Variants in ULK4 observed in about 807,000 individuals in gnomAD.
The protein encoded by ULK4 is unc-51 like kinase 4, also known as inactive serine/threonine-protein kinase ULK4.
A neutral mutation model predicts 160.6 loss-of-function variants in ULK4; 133 were observed. That is an observed-to-expected ratio of 0.83 (90% CI 0.72 to 0.96). The LOEUF (loss-of-function observed/expected upper bound fraction) is 0.96. Ranked by LOEUF, ULK4 falls within the 40% of genes least tolerant of loss-of-function variation. The pLI is 0.00. For synonymous variants in ULK4, 534 were observed against 539.8 expected (o/e 0.99, Z 0.15); for missense variants, 1,580 against 1,499.5 (o/e 1.05, Z -0.89).
intron 31 of ULK4, among the ~76,000 whole-genome samples, chr3:41,568,145 A>C (rs1199515185): frequency 6.6e-6 from 1 of 152,220 alleles, no homozygotes; most frequent in Non-Finnish European, 1.5e-5. Flanking sequence ...ATCAGTGAAC[A>C]AAACAGAAAA....
chr3:41,647,696 A>G (rs1295448934), intron 30 of ULK4, among the ~76,000 whole-genome samples: 1 of 152,238 alleles, frequency 6.6e-6, no homozygotes, highest in East Asian at 1.9e-4. Flanking sequence ...CTCCAGCTGC[A>G]TGCTGGAAGA....
intron 21 of ULK4, among the ~76,000 whole-genome samples, chr3:41,775,428 T>G (rs1422022753): frequency 6.7e-6 from 1 of 149,348 alleles, no homozygotes; most frequent in East Asian, 1.9e-4. Context: ...TGATGCAGTC[T>G]TGCTCTGTCA....
intron 32 of ULK4, among the ~76,000 whole-genome samples, chr3:41,506,805 T>A (rs1262714039): frequency 3.5e-5 from 4 of 114,358 alleles, no homozygotes; most frequent in African/African-American, 6.3e-5. Flanking sequence ...TATATATATA[T>A]ATGAACATGT....
chr3:41,841,566 G>A (rs995297238), intron 17 of ULK4, among the ~76,000 whole-genome samples: 25 of 151,358 alleles, frequency 1.7e-4, no homozygotes, highest in African/African-American at 3.4e-4. Flanking sequence ...ACCTCTGCCC[G>A]GCAGCCCCAT....
chr3:41,824,137 T>G lies in ULK4; in HGVS notation c.1765-4631A>C, dbSNP rs191618009. Among the ~76,000 whole-genome samples the G allele has an allele frequency of 3.2e-3, 443 of 138,694 alleles. 1 individual carries two copies. Among genetic ancestry groups the G allele is most frequent in the African/African-American group, 0.012 (419 of 35,462 alleles). The allele number at this position is 138,694 out of a possible 152,430, so 91.0% of individuals were successfully genotyped here. ...AAGATTATGTCACTGCATTCCAGCC[T>G]GGGTGAGAGAATGAGACTCTATCTT... On this transcript the variant is annotated intron_variant, in intron 18 of 36. Coordinates refer to ENST00000301831, the MANE Select transcript of ULK4 (RefSeq NM_017886.4).
At chr3:41,757,404 G>A (rs1330399235) in intron 21 of ULK4, among the ~76,000 whole-genome samples, 3 of 151,950 alleles carry the variant, frequency 2.0e-5, no homozygotes, top group East Asian at 2.0e-4. Flanking sequence ...AGGCCAAGGC[G>A]GGCAGAACAC....
At chr3:41,334,568 C>A (rs780705477) in intron 35 of ULK4, among the ~76,000 whole-genome samples, 13 of 152,118 alleles carry the variant, frequency 8.5e-5, no homozygotes, top group Non-Finnish European at 1.5e-4. Context: ...GGAAGCGACA[C>A]TCTGGTGTGG....
At chr3:41,678,052 G>C (rs555753639) in intron 29 of ULK4, among the ~76,000 whole-genome samples, 1 of 152,242 alleles carries the variant, frequency 6.6e-6, no homozygotes, top group East Asian at 1.9e-4. Context: ...AAGCCCGCCA[G>C]CTTTCAGACA....
At chr3:41,819,617 G>A (rs543312761) in intron 18 of ULK4, 111 bp from the exon 19 acceptor site, 1 of 870,444 alleles carries the variant, frequency 1.1e-6, no homozygotes, top group South Asian at 1.8e-5. Flanking sequence ...AAACTTAATA[G>A]TCTATTTAAA....
intron 1 of ULK4, chr3:41,955,579 C>A: frequency 6.5e-6 from 1 of 154,590 alleles, no homozygotes; most frequent in South Asian, 1.9e-4. Context: ...GGACATTATT[C>A]CAAAGATGTA....
chr3:41,643,160 T>C (rs533024256), intron 30 of ULK4, among the ~76,000 whole-genome samples: 1 of 152,298 alleles, frequency 6.6e-6, no homozygotes, highest in East Asian at 1.9e-4. Flanking sequence ...ACTCTGACGG[T>C]AGTTTCTTTT....
intron 35 of ULK4, among the ~76,000 whole-genome samples, chr3:41,387,330 G>A (rs1433459551): frequency 1.3e-5 from 2 of 151,756 alleles, no homozygotes; most frequent in Non-Finnish European, 2.9e-5. Context: ...AGAATGCTAG[G>A]ACTTATTCCT....
At chr3:41,407,039 A>T (rs2082307892) in intron 34 of ULK4, among the ~76,000 whole-genome samples, 1 of 152,212 alleles carries the variant, frequency 6.6e-6, no homozygotes, top group Non-Finnish European at 1.5e-5. Flanking sequence ...AAGTCCTGAA[A>T]GACAGCTAGA....
chr3:41,938,026 A>C, intron 3 of ULK4, 72 bp downstream of exon 3: 1 of 1,206,414 alleles, frequency 8.3e-7, no homozygotes, highest in Non-Finnish European at 1.1e-6. Context: ...ATAACATCAA[A>C]AGTAACAAAA....
intron 35 of ULK4, among the ~76,000 whole-genome samples, chr3:41,260,933 G>A (rs990690987): frequency 8.5e-5 from 13 of 152,212 alleles, no homozygotes; most frequent in Admixed American, 3.9e-4. Context: ...AGCATACTGA[G>A]GCCTGAGGAA....
chr3:41,406,834 C>T (rs2082301919), intron 34 of ULK4, among the ~76,000 whole-genome samples: 2 of 152,158 alleles, frequency 1.3e-5, no homozygotes, highest in Admixed American at 6.5e-5. Context: ...CATACAAATG[C>T]ATGAAGCAAT....
intron 35 of ULK4, among the ~76,000 whole-genome samples, chr3:41,351,597 C>T (rs997979603): frequency 6.6e-6 from 1 of 152,176 alleles, no homozygotes; most frequent in Non-Finnish European, 1.5e-5. Context: ...TGTAGCACTC[C>T]ACCCCTGGCC....
intron 18 of ULK4, among the ~76,000 whole-genome samples, chr3:41,831,782 G>A (rs1320118658): frequency 1.3e-5 from 2 of 151,840 alleles, no homozygotes. Flanking sequence ...TCCCATTTGT[G>A]AGTGAGAATA....
chr3:41,959,573 ATCTT>A (rs1700603288), intron 1 of ULK4, among the ~76,000 whole-genome samples: 2 of 152,144 alleles, frequency 1.3e-5, no homozygotes, highest in African/African-American at 2.4e-5. Flanking sequence ...ACTGGTTAGT[ATCTT>A]TCTTTTAATG....
Sources: allele counts gnomAD v4.1 joint callset (sites outside exome capture counted in the v4.1 genomes callset), GRCh38; gene constraint gnomAD v4.1.1; transcripts MANE v1.5; gene names NCBI Gene and HGNC (gene_info 2026-07-23, HGNC 2026-07-21).